DYNLT2: variants seen among roughly 807,000 people sequenced by gnomAD.
The protein encoded by DYNLT2 is dynein light chain Tctex-type 2.
In DYNLT2, 24 loss-of-function variants were observed where a neutral mutation model predicts 24.3. The ratio of observed to expected loss-of-function variants is 0.99; its 90% CI spans 0.71 to 1.39. The LOEUF (loss-of-function observed/expected upper bound fraction) is 1.39, where lower values mean the gene tolerates loss of function less well. DYNLT2 is among the 40% of genes most tolerant of loss of function. The pLI is 0.00. For synonymous variants in DYNLT2, 85 were observed against 85.4 expected, an observed-to-expected ratio of 1.00 and a Z score of 0.03; for missense variants, 246 against 234.5, an observed-to-expected ratio of 1.05 and a Z score of -0.32.
At chr6:169,747,873 T>A (rs1278198655) in intron 1 of DYNLT2, among the ~76,000 whole-genome samples, 2 of 152,212 alleles carry the variant, frequency 1.3e-5, no homozygotes, top group African/African-American at 4.8e-5. Context: ...TCTTATAGGC[T>A]GGATATTTTT....
chr6:169,739,595 C>G (rs935211200), downstream of DYNLT2, among the ~76,000 whole-genome samples: 5 of 152,144 alleles, frequency 3.3e-5, 1 homozygote, highest in Middle Eastern at 6.8e-3. Context: ...GTTCTTGCAT[C>G]TGAAAAAAAG....
At chr6:169,748,910 G>T (rs1191780593) in intron 1 of DYNLT2, among the ~76,000 whole-genome samples, 2 of 152,036 alleles carry the variant, frequency 1.3e-5, no homozygotes, top group Non-Finnish European at 2.9e-5. Flanking sequence ...CTTTTATTAA[G>T]AATCTTTATA....
At chr6:169,748,371 C>A (rs1789858780) in intron 1 of DYNLT2, among the ~76,000 whole-genome samples, 3 of 151,456 alleles carry the variant, frequency 2.0e-5, no homozygotes. Context: ...AAGGTGGGGG[C>A]AATATTGGGG....
In DYNLT2 at chr6:169,751,443, G is replaced by T. The variant is rs780639416; in HGVS notation, c.16C>A (p.Arg6=). Residue 6 remains arginine (R), a synonymous_variant, in exon 1 of 4, where the codon CGA becomes AGA. Transcript: ENST00000366774. MEKRG[R]GVKSSPIQTP... ...TGGATGGGGCTCGACTTCACGCCTC[G>T]GCCTCGCTTCTCCATCTCGCTCTGT... 1 of 1,613,998 alleles carries T rather than the reference G, an allele frequency of 6.2e-7. No homozygotes were observed. Among genetic ancestry groups the T allele is most frequent in the South Asian group, 1.1e-5 (1 of 91,072 alleles).
chr6:169,740,067 G>A (rs1789641859), downstream of DYNLT2: 1 of 633,334 alleles, frequency 1.6e-6, no homozygotes, highest in Non-Finnish European at 2.7e-6. Context: ...ACAATTGAAA[G>A]GCCTCAAATG....
chr6:169,735,301 G>A (rs1361437933), downstream of DYNLT2, among the ~76,000 whole-genome samples: 1 of 151,662 alleles, frequency 6.6e-6, no homozygotes, highest in Non-Finnish European at 1.5e-5. Context: ...CTTCTCTGAT[G>A]TTAGTTATTT....
rs1390464129 is a variant in DYNLT2 at position 169,744,103 on chromosome 6, G to A, written c.292C>T (p.His98Tyr). 2 of 1,612,854 alleles carry A rather than the reference G, an allele frequency of 1.2e-6. No homozygotes were observed. Among genetic ancestry groups the A allele is most frequent in the Admixed American group, 1.7e-5 (1 of 60,004 alleles). Reference protein sequence around the residue: ...RMEPLKKFQAHSVETKVQQIL... With the variant: ...RMEPLKKFQAYSVETKVQQIL... ...TGCTGGACTTTAGTTTCTACTGAATGAGCTTGGAATTTCTTCAATGGCTCC... is the reference window on the plus strand; with the variant it reads ...TGCTGGACTTTAGTTTCTACTGAATAAGCTTGGAATTTCTTCAATGGCTCC... Residue 98 changes from histidine to tyrosine, a missense_variant, in exon 2 of 4, where the codon CAT (histidine) becomes TAT (tyrosine). His to Tyr is a moderately conservative substitution (Grantham distance 83, BLOSUM62 2). Coordinates refer to ENST00000366774, the MANE Select transcript of DYNLT2 (RefSeq NM_174910.3).
At chr6:169,744,044 T>G (rs1382156593) in intron 2 of DYNLT2, 24 bp downstream of exon 2, 22 of 1,597,816 alleles carry the variant, frequency 1.4e-5, no homozygotes, top group Non-Finnish European at 1.9e-5. Context: ...ACAATACTGC[T>G]ATCATATATA....
rs138550412 is a variant in DYNLT2 at position 169,740,238 on chromosome 6, C to T, written c.544G>A (p.Glu182Lys). ...AWDSWVAAKHEAESYVALVLV... is the reference protein window; with the variant it reads ...AWDSWVAAKHKAESYVALVLV... Reference sequence around the variant, plus strand: ...ACCAGTGCCACGTAGGATTCTGCTTCGTGTTTAGCTGCGACCCAGCTGTCC... The same window carrying T: ...ACCAGTGCCACGTAGGATTCTGCTTTGTGTTTAGCTGCGACCCAGCTGTCC... Residue 182 changes from glutamate (E) to lysine (K), a missense_variant, in exon 4 of 4, where the codon GAA becomes AAA. Transcript: ENST00000366774. The T allele has an allele frequency of 9.3e-6, 15 of 1,613,954 alleles. No homozygotes were observed. The African/African-American group carries it at 1.6e-4, about 17-fold the overall frequency.
the DYNLT2 span, among the ~76,000 whole-genome samples, chr6:169,731,335 A>G: frequency 2.0e-5 from 3 of 152,230 alleles, no homozygotes; most frequent in African/African-American, 7.2e-5. Context: ...GTATTCACTC[A>G]TAAGGCAATC....
downstream of DYNLT2, among the ~76,000 whole-genome samples, chr6:169,739,556 T>C (rs561666726): frequency 6.6e-6 from 1 of 152,286 alleles, no homozygotes; most frequent in African/African-American, 2.4e-5. Flanking sequence ...ATTTTCCTCA[T>C]TTCTTTAAAC....
chr6:169,726,026 A>G, the DYNLT2 span, among the ~76,000 whole-genome samples: 3 of 152,222 alleles, frequency 2.0e-5, no homozygotes, highest in Non-Finnish European at 2.9e-5. Context: ...GAATACACCT[A>G]TAGTTTACTA....
chr6:169,741,946 G>A (rs773720337), intron 3 of DYNLT2, among the ~76,000 whole-genome samples: 1 of 151,990 alleles, frequency 6.6e-6, no homozygotes, highest in Non-Finnish European at 1.5e-5. Context: ...CTGACTGGCG[G>A]TTCTCTCGCC....
intron 1 of DYNLT2, among the ~76,000 whole-genome samples, chr6:169,749,214 C>T (rs1789884962): frequency 1.3e-5 from 2 of 152,180 alleles, no homozygotes; most frequent in African/African-American, 4.8e-5. Flanking sequence ...ATTCTCGTGC[C>T]TCAGCCTCCC....
At position 169,751,529 on chromosome 6, in the gene DYNLT2, G is replaced by A; in HGVS notation, c.-71C>T. The A allele has an allele frequency of 1.9e-6, 3 of 1,610,320 alleles. No homozygotes were observed. Among genetic ancestry groups the A allele is most frequent in the Admixed American group, 1.7e-5 (1 of 59,400 alleles). On this transcript the variant is annotated 5_prime_UTR_variant, in exon 1 of 4. Transcript: ENST00000366774. Reference sequence around the variant, plus strand: ...GCGGTCAAACGCCCTAGCCAGTCCCGCGAGGGCGGAAGTCTCCCACCTGCG... The same window carrying A: ...GCGGTCAAACGCCCTAGCCAGTCCCACGAGGGCGGAAGTCTCCCACCTGCG...
chr6:169,725,492 G>A, the DYNLT2 span: 2 of 396,460 alleles, frequency 5.0e-6, no homozygotes, highest in South Asian at 1.4e-4. Flanking sequence ...GGTTCTCTCA[G>A]CCTCAGCCAG....
chr6:169,725,606 T>C, the DYNLT2 span: 1 of 324,486 alleles, frequency 3.1e-6, no homozygotes. Context: ...GCTAAATTCT[T>C]TTCACTGATC....
At chr6:169,739,037 T>C (rs1015753995), downstream of DYNLT2, 2 of 152,106 alleles carry the variant, frequency 1.3e-5, no homozygotes, top group Admixed American at 1.3e-4. Context: ...TTATAGATAA[T>C]TCAACTAATA....
downstream of DYNLT2, among the ~76,000 whole-genome samples, chr6:169,738,117 G>T (rs868182887): frequency 2.0e-4 from 31 of 152,346 alleles, no homozygotes; most frequent in African/African-American, 7.0e-4. Flanking sequence ...GGGCTGTGGG[G>T]ACAAGTCATG....
Sources: gnomAD v4.1 joint callset for allele counts (sites outside exome capture counted in the v4.1 genomes callset) on GRCh38, gnomAD v4.1.1 for gene constraint, MANE v1.5 for transcripts, NCBI Gene and HGNC (gene_info 2026-07-23, HGNC 2026-07-21) for gene names.